Variants in COL9A1 observed in about 807,000 individuals in gnomAD.
The protein encoded by COL9A1 is collagen alpha-1(IX) chain.
COL9A1 carries 104 observed loss-of-function variants against 142.6 expected under a neutral mutation model. That is an observed-to-expected ratio of 0.73 (90% CI 0.62 to 0.86). The LOEUF is 0.86. Ranked by LOEUF, COL9A1 falls within the 40% of genes least tolerant of loss-of-function variation. The pLI, the probability that COL9A1 is intolerant of heterozygous loss-of-function variation, is 0.00. For synonymous variants in COL9A1, 466 were observed against 396.0 expected (o/e 1.18, Z -2.10); for missense variants, 1,210 against 1,176.6 (o/e 1.03, Z -0.42).
At chr6:70,258,462 A>G (rs1203266324) in intron 20 of COL9A1, 1 of 152,236 alleles carries the variant, frequency 6.6e-6, no homozygotes, top group Non-Finnish European at 1.5e-5. Context: ...CAAAGAAGGA[A>G]CTCAACTGAA....
At chr6:70,282,087 C>T (rs1022519575) in intron 7 of COL9A1, among the ~76,000 whole-genome samples, 52 of 152,300 alleles carry the variant, frequency 3.4e-4, no homozygotes, top group African/African-American at 1.2e-3. Flanking sequence ...TTCAGACTGA[C>T]CCTGGGGCGT....
At chr6:70,296,856 T>G (rs149011691) in intron 4 of COL9A1, among the ~76,000 whole-genome samples, 1 of 152,258 alleles carries the variant, frequency 6.6e-6, no homozygotes, top group East Asian at 1.9e-4. Flanking sequence ...TTGTCCAAGA[T>G]AGTTATTGTT....
chr6:70,271,910 A>G (rs1772425176), intron 13 of COL9A1, among the ~76,000 whole-genome samples, 155 bp downstream of exon 13: 1 of 152,206 alleles, frequency 6.6e-6, no homozygotes, highest in Admixed American at 6.5e-5. Context: ...TGTTTAGCAG[A>G]ATAAGGGTGT....
intron 37 of COL9A1, among the ~76,000 whole-genome samples, chr6:70,224,907 A>T (rs73749908): frequency 6.5e-4 from 99 of 152,304 alleles, no homozygotes; most frequent in African/African-American, 2.3e-3. Flanking sequence ...TTTTTAAAAA[A>T]TTTTTTAATG....
chr6:70,271,961 G>A, intron 13 of COL9A1, 104 bp downstream of exon 13: 2 of 1,215,196 alleles, frequency 1.6e-6, no homozygotes, highest in Non-Finnish European at 2.4e-6. Flanking sequence ...GTAGAACACT[G>A]TAAACACCAC....
At chr6:70,234,299 C>CAAAAAAAAAAAAAAAAAAAAAAA (rs1376237848) in intron 35 of COL9A1, among the ~76,000 whole-genome samples, 1 of 132,018 alleles carries the variant, frequency 7.6e-6, no homozygotes, top group Non-Finnish European at 1.7e-5. Context: ...AAAAACAAAA[C>CAAAAAAAAAAAAAAAAAAAAAAA]AAAACAAAAA....
intron 20 of COL9A1, among the ~76,000 whole-genome samples, chr6:70,260,434 T>C (rs1252606932): frequency 1.3e-5 from 2 of 151,460 alleles, no homozygotes; most frequent in African/African-American, 4.9e-5. Flanking sequence ...TCCCAGCTGC[T>C]CTACTCGTGA....
chr6:70,268,588 C>T (rs559154839), intron 17 of COL9A1, among the ~76,000 whole-genome samples: 2 of 152,116 alleles, frequency 1.3e-5, no homozygotes, highest in Non-Finnish European at 2.9e-5. Context: ...GGTATTTCTT[C>T]CCTGAACTAG....
At chr6:70,279,287 G>A (rs1772961101) in intron 10 of COL9A1, among the ~76,000 whole-genome samples, 1 of 152,122 alleles carries the variant, frequency 6.6e-6, no homozygotes, top group Non-Finnish European at 1.5e-5. Context: ...TTGCCAACAA[G>A]TTATATTATT....
intron 32 of COL9A1, among the ~76,000 whole-genome samples, 171 bp downstream of exon 32, chr6:70,240,518 T>C (rs1379300376): frequency 1.3e-5 from 2 of 151,760 alleles, no homozygotes; most frequent in Admixed American, 6.6e-5. Context: ...TGTTAGCTGA[T>C]AGGAGAAACA....
Position 70,254,455 on chromosome 6 carries a change from T to C in COL9A1, c.1719+21A>G, listed in dbSNP as rs577273169. 5.6e-6 allele frequency: 9 copies of C among 1,612,440 alleles called. No homozygotes were observed. In the South Asian group the frequency reaches 9.9e-5, roughly 18 times the overall value. ...AAACATGTATATAAACCAATTAACA[T>C]GTAAAGAATCAAATACTTACTGGTA... On this transcript the variant is annotated intron_variant, in intron 25 of 37. Coordinates refer to ENST00000357250, the MANE Select transcript of COL9A1 (RefSeq NM_001851.6).
intron 36 of COL9A1, among the ~76,000 whole-genome samples, chr6:70,229,294 T>C (rs1198564882): frequency 3.3e-5 from 5 of 152,150 alleles, no homozygotes; most frequent in African/African-American, 1.2e-4. Context: ...TTTTGAGATG[T>C]ACAAAAACCA....
At chr6:70,297,359 T>C (rs1213428667) in intron 4 of COL9A1, among the ~76,000 whole-genome samples, 1 of 152,120 alleles carries the variant, frequency 6.6e-6, no homozygotes, top group Non-Finnish European at 1.5e-5. Context: ...TAGAAATAAT[T>C]TAGATTATCA....
chr6:70,284,637 C>T (rs190594226), intron 5 of COL9A1, among the ~76,000 whole-genome samples: 271 of 152,178 alleles, frequency 1.8e-3, no homozygotes, highest in Middle Eastern at 0.01. Context: ...TGAAAAGATC[C>T]TCAGGTGACA....
At chr6:70,281,549 C>A (rs139992516) in intron 7 of COL9A1, 85 bp from the exon 8 acceptor site, 2 of 1,063,130 alleles carry the variant, frequency 1.9e-6, no homozygotes, top group Non-Finnish European at 2.7e-6. Context: ...CCCCCGCCTC[C>A]GTGGGGTAAA....
chr6:70,228,925 C>T (rs1295020851), intron 36 of COL9A1, among the ~76,000 whole-genome samples: 1 of 152,048 alleles, frequency 6.6e-6, no homozygotes, highest in Non-Finnish European at 1.5e-5. Context: ...ATTTAAGTGT[C>T]ATATCACTAT....
chr6:70,246,485 T>A (rs1483194978), intron 28 of COL9A1, among the ~76,000 whole-genome samples: 2 of 152,010 alleles, frequency 1.3e-5, no homozygotes, highest in Admixed American at 6.5e-5. Context: ...ATCCCCTGAG[T>A]TCTTTAGAAA....
chr6:70,254,352 T>C (rs1771132164), intron 25 of COL9A1, 124 bp downstream of exon 25: 1 of 800,506 alleles, frequency 1.2e-6, no homozygotes, highest in Non-Finnish European at 2.0e-6. Context: ...ATTGTAAAAA[T>C]GTAAAAGTAA....
At chr6:70,263,884 A>G (rs909587551) in intron 18 of COL9A1, among the ~76,000 whole-genome samples, 1 of 151,930 alleles carries the variant, frequency 6.6e-6, no homozygotes, top group Non-Finnish European at 1.5e-5. Context: ...ACATTTATTT[A>G]TATTTTTGCT....
Sources: gnomAD v4.1 joint callset for allele counts (sites outside exome capture counted in the v4.1 genomes callset) on GRCh38, gnomAD v4.1.1 for gene constraint, MANE v1.5 for transcripts, NCBI Gene and HGNC (gene_info 2026-07-23, HGNC 2026-07-21) for gene names.